Variants in ACTN4 observed in about 807,000 individuals in gnomAD.
The protein encoded by ACTN4 is alpha-actinin-4.
Under a neutral mutation model 114.2 loss-of-function variants are expected in ACTN4, and 18 were observed. The observed-to-expected ratio is 0.16, with a 90% confidence interval of 0.11 to 0.23. The LOEUF (loss-of-function observed/expected upper bound fraction) is 0.23, where lower values mean the gene tolerates loss of function less well. ACTN4 is among the 10% of genes least tolerant of loss of function. The probability of loss-of-function intolerance (pLI) is 1.00; values close to 1 mark genes in which losing one functional copy is unlikely to be tolerated. For missense variants in ACTN4, 722 were observed against 1,262.9 expected, an observed-to-expected ratio of 0.57 and a Z score of 6.49; for synonymous variants, 515 against 506.3, an observed-to-expected ratio of 1.02 and a Z score of -0.23.
chr19:38,717,199 C>G lies in ACTN4; in HGVS notation c.1026C>G (p.His342Gln). ...LEDFRDYRRV[H>Q]KPPKVQEKCQ... ...ACTTCCGCGACTACCGGCGTGTGCA[C>G]AAGCCGCCCAAGGTGCAGGAGAAGT... The change falls in exon 10 of 21, where the codon CAC (histidine) becomes CAG (glutamine). Residue 342 changes from histidine (H) to glutamine (Q), a missense_variant. Transcript: ENST00000252699. The surrounding 1 kb of genome is among the most constrained non-coding windows in gnomAD (Gnocchi z 4.0). 6.2e-7 allele frequency: 1 copy of G among 1,614,268 alleles called. No individual in the cohort carries two copies. The highest frequency in any genetic ancestry group is 8.5e-7 in the Non-Finnish European group (1 of 1,180,056).
Position 38,673,537 on chromosome 19 carries a change from TTA to T in ACTN4, c.162+25638_162+25639del, listed in dbSNP as rs1230493307. Among the ~76,000 whole-genome samples the T allele has an allele frequency of 1.2e-3, 38 of 32,366 alleles. 3 individuals carry two copies. Among genetic ancestry groups the T allele is most frequent in the East Asian group, 1.2e-3 (1 of 860 alleles). 21.2% of individuals were successfully genotyped at this position (32,366 alleles called of 152,430 possible). On this transcript the variant is annotated intron_variant, in intron 1 of 20. Coordinates refer to ENST00000252699, the MANE Select transcript of ACTN4 (RefSeq NM_004924.6). Reference sequence around the variant, plus strand: ...TATATTTATATATATTCATATATACTTATATATATTTATATATACTTATATAT... The same window carrying T: ...TATATTTATATATATTCATATATACTTATATATTTATATATACTTATATAT...
rs375020327 is a variant in ACTN4 at position 38,674,032 on chromosome 19, G to A, written c.162+26125G>A. Among the ~76,000 whole-genome samples, 318 of 151,698 alleles carry A rather than the reference G, an allele frequency of 2.1e-3. 2 individuals are homozygous for A. Among genetic ancestry groups the A allele is most frequent in the African/African-American group, 7.2e-3 (299 of 41,300 alleles). Reference sequence around the variant, plus strand: ...CCTGACCTTGTGATCTACCCGCCTCGGCCTCCCAAAGTGCTGGGATTACAG... The same window carrying A: ...CCTGACCTTGTGATCTACCCGCCTCAGCCTCCCAAAGTGCTGGGATTACAG... On this transcript the variant is annotated intron_variant, in intron 1 of 20. Transcript: ENST00000252699.
At chr19:38,700,574 C>T (rs749224658) in intron 1 of ACTN4, 26 bp from the exon 2 acceptor site, 1 of 1,588,322 alleles carries the variant, frequency 6.3e-7, no homozygotes, top group Non-Finnish European at 8.6e-7. Flanking sequence ...TGACTCTGCG[C>T]ACTGTCCTTT....
In ACTN4 at chr19:38,710,332, G is replaced by C; in HGVS notation, c.809G>C (p.Gly270Ala). The change falls in exon 8 of 21, where the codon GGA becomes GCA. Residue 270 changes from glycine (G) to alanine (A), a missense_variant. Gly to Ala is a moderately conservative substitution (Grantham distance 60). Transcript: ENST00000252699. ...TCCAGCTTCTACCATGCCTTTTCAG[G>C]AGCGCAGAAGGTACCGAGCAGGGCC... The part of the protein sequence containing the change: ...YVSSFYHAFS[G>A]AQKAETAANR... The C allele has an allele frequency of 6.2e-7, 1 of 1,613,816 alleles. No homozygotes were observed. Among genetic ancestry groups the C allele is most frequent in the Non-Finnish European group, 8.5e-7 (1 of 1,180,008 alleles).
chr19:38,673,478 T>TATATATTCATATATATATACTC, intron 1 of ACTN4, among the ~76,000 whole-genome samples: 1 of 60,786 alleles, frequency 1.6e-5, no homozygotes, highest in Admixed American at 1.7e-4. Context: ...TATATATTTA[T>TATATATTCATATATATATACTC]ATATATATTC....
At chr19:38,668,251 A>G (rs1967023441) in intron 1 of ACTN4, among the ~76,000 whole-genome samples, 1 of 152,212 alleles carries the variant, frequency 6.6e-6, no homozygotes, top group African/African-American at 2.4e-5. Flanking sequence ...CAGGAGAGCC[A>G]TGTAAGTTTC....
intron 1 of ACTN4, among the ~76,000 whole-genome samples, chr19:38,698,831 G>C (rs959413846): frequency 6.6e-6 from 1 of 152,210 alleles, no homozygotes; most frequent in South Asian, 2.1e-4. Context: ...CTGGTATGGC[G>C]TATTAATTAG....
intron 1 of ACTN4, among the ~76,000 whole-genome samples, chr19:38,684,598 G>A (rs1967682474): frequency 6.6e-6 from 1 of 152,192 alleles, no homozygotes; most frequent in Non-Finnish European, 1.5e-5. Context: ...CTTGTAGGTG[G>A]GGCGAGCCAG....
intron 5 of ACTN4, among the ~76,000 whole-genome samples, chr19:38,706,927 C>T (rs1322651756): frequency 3.0e-4 from 46 of 152,328 alleles, no homozygotes; most frequent in South Asian, 4.1e-4. Flanking sequence ...GCATGAGGTC[C>T]AGGGGGCGGC....
intron 1 of ACTN4, among the ~76,000 whole-genome samples, chr19:38,684,781 G>A (rs1353126390): frequency 6.6e-6 from 1 of 151,620 alleles, no homozygotes; most frequent in Non-Finnish European, 1.5e-5. Context: ...TTCTCTCTCT[G>A]TGGTCATGGT....
rs936990535 is a variant in ACTN4, at chr19:38,729,970, C to G, written c.*538C>G. 1.2e-5 allele frequency: 4 copies of G among 323,902 alleles called. No individual in the cohort carries two copies. The highest frequency in any genetic ancestry group is 8.7e-5 in the African/African-American group (4 of 45,774). The allele number at this position is 323,902 out of a possible 1,614,324, so 20.1% of individuals were successfully genotyped here. ...ATTGCCAGGAGATGGCCCCAACAAG[C>G]ACCCCGCTTTTGCAGCAGAGGAGCT... On this transcript the variant is annotated 3_prime_UTR_variant, in exon 21 of 21. Coordinates refer to ENST00000252699, the MANE Select transcript of ACTN4 (RefSeq NM_004924.6).
intron 8 of ACTN4, 78 bp from the exon 9 acceptor site, chr19:38,714,391 G>A: frequency 7.4e-7 from 1 of 1,359,700 alleles, no homozygotes; most frequent in Non-Finnish European, 1.0e-6. Context: ...CCATGGACCA[G>A]CTGCTTTCAA....
chr19:38,694,829 T>C (rs1403286964), intron 1 of ACTN4, among the ~76,000 whole-genome samples: 1 of 152,182 alleles, frequency 6.6e-6, no homozygotes, highest in Non-Finnish European at 1.5e-5. Context: ...ATAGCATAAT[T>C]ACCTTTAATA....
chr19:38,650,449 G>A (rs1399457087), intron 1 of ACTN4, among the ~76,000 whole-genome samples: 2 of 152,128 alleles, frequency 1.3e-5, no homozygotes, highest in African/African-American at 2.4e-5. Context: ...CTCTGGGGCC[G>A]GGCAGGTTTG....
chr19:38,707,065 C>G (rs1968486156), intron 5 of ACTN4, among the ~76,000 whole-genome samples: 1 of 152,176 alleles, frequency 6.6e-6, no homozygotes, highest in Non-Finnish European at 1.5e-5. Context: ...AAGAGCAGGG[C>G]CTCATGGGGT....
chr19:38,671,800 A>G (rs1599777036), intron 1 of ACTN4, among the ~76,000 whole-genome samples: 1 of 152,218 alleles, frequency 6.6e-6, no homozygotes, highest in East Asian at 1.9e-4. Context: ...AAAGCCAGGA[A>G]GCTCGCCATG....
chr19:38,684,970 G>A (rs1046205759), intron 1 of ACTN4, among the ~76,000 whole-genome samples: 1 of 151,872 alleles, frequency 6.6e-6, no homozygotes, highest in Non-Finnish European at 1.5e-5. Flanking sequence ...TGTTTGAGAC[G>A]GAATCTCGCT....
At chr19:38,676,289 T>C (rs1455655516) in intron 1 of ACTN4, among the ~76,000 whole-genome samples, 1 of 152,178 alleles carries the variant, frequency 6.6e-6, no homozygotes, top group Non-Finnish European at 1.5e-5. Context: ...AAGTAAGCAT[T>C]GAGCATTTAA....
intron 1 of ACTN4, among the ~76,000 whole-genome samples, chr19:38,688,101 T>C (rs1021211725): frequency 3.3e-5 from 5 of 152,060 alleles, no homozygotes; most frequent in African/African-American, 1.2e-4. Context: ...TCATTACTAA[T>C]TAGGGCAAAT....
Sources: allele counts gnomAD v4.1 joint callset (sites outside exome capture counted in the v4.1 genomes callset), GRCh38; gene constraint gnomAD v4.1.1; non-coding constraint Gnocchi (gnomAD v3.1); transcripts MANE v1.5; gene names NCBI Gene and HGNC (gene_info 2026-07-23, HGNC 2026-07-21).